Variants in PTPRD observed in about 807,000 individuals in gnomAD.
PTPRD encodes receptor-type tyrosine-protein phosphatase delta.
Under a neutral mutation model 214.5 loss-of-function variants are expected in PTPRD, and 34 were observed. The ratio of observed to expected loss-of-function variants is 0.16; its 90% CI spans 0.12 to 0.21. The LOEUF is 0.21. Ranked by LOEUF, PTPRD falls within the 10% of genes least tolerant of loss-of-function variation. The pLI is 1.00. For synonymous variants in PTPRD, 1,128 were observed against 845.7 expected, an observed-to-expected ratio of 1.33 and a Z score of -5.79; for missense variants, 2,545 against 2,398.7, an observed-to-expected ratio of 1.06 and a Z score of -1.27.
chr9:8,462,730 G>C (rs1310950936), intron 32 of PTPRD, among the ~76,000 whole-genome samples: 2 of 151,680 alleles, frequency 1.3e-5, no homozygotes, highest in African/African-American at 4.8e-5. Context: ...GCAGTGATCG[G>C]TCATTCCCCT....
chr9:10,207,497 T>A (rs1564527074), intron 3 of PTPRD, among the ~76,000 whole-genome samples: 1 of 152,044 alleles, frequency 6.6e-6, no homozygotes, highest in Admixed American at 6.6e-5. Context: ...ATATTTTGTG[T>A]AGAACTGGTA....
intron 11 of PTPRD, among the ~76,000 whole-genome samples, chr9:8,850,317 T>C (rs2570303): frequency 0.017 from 2,569 of 152,174 alleles, 73 homozygotes; most frequent in African/African-American, 0.058. Context: ...CAGGAGACAG[T>C]ACAGATAGCC....
chr9:10,103,564 C>A (rs1289009823), intron 3 of PTPRD, among the ~76,000 whole-genome samples: 1 of 151,186 alleles, frequency 6.6e-6, no homozygotes, highest in African/African-American at 2.4e-5. Flanking sequence ...TATAAGCCCC[C>A]TAAAGCCCTT....
chr9:10,169,273 G>C (rs901969016), intron 3 of PTPRD, among the ~76,000 whole-genome samples: 1 of 151,684 alleles, frequency 6.6e-6, no homozygotes, highest in Non-Finnish European at 1.5e-5. Context: ...AGGAGATCGA[G>C]ACCATCCTGG....
chr9:9,303,313 T>G (rs973835980), intron 9 of PTPRD, among the ~76,000 whole-genome samples: 2 of 151,996 alleles, frequency 1.3e-5, no homozygotes, highest in African/African-American at 4.8e-5. Context: ...ATTGGTTTCA[T>G]AAAAGACATG....
At chr9:9,965,526 A>G (rs2094626170) in intron 4 of PTPRD, among the ~76,000 whole-genome samples, 1 of 152,204 alleles carries the variant, frequency 6.6e-6, no homozygotes, top group East Asian at 1.9e-4. Flanking sequence ...AAAGGACCTC[A>G]TGCCATGCTA....
chr9:10,348,389 AC>A (rs2097126289), intron 2 of PTPRD, among the ~76,000 whole-genome samples: 2 of 152,174 alleles, frequency 1.3e-5, no homozygotes, highest in African/African-American at 4.8e-5. Flanking sequence ...ATTTAGAGGG[AC>A]AAAAACAACC....
chr9:8,590,145 T>G (rs1380705513), intron 14 of PTPRD, among the ~76,000 whole-genome samples: 2 of 152,156 alleles, frequency 1.3e-5, no homozygotes, highest in African/African-American at 4.8e-5. Context: ...TGAGCTGGAA[T>G]TGATTTTATT....
chr9:8,380,572 A>G (rs2084723750), intron 37 of PTPRD, among the ~76,000 whole-genome samples: 1 of 152,184 alleles, frequency 6.6e-6, no homozygotes, highest in South Asian at 2.1e-4. Context: ...ATAATTACGG[A>G]AAGAACAGGG....
intron 4 of PTPRD, among the ~76,000 whole-genome samples, chr9:9,950,758 A>G (rs202084243): frequency 1.2e-4 from 4 of 33,566 alleles, no homozygotes; most frequent in African/African-American, 1.6e-3. Context: ...AAAAAAAAAA[A>G]AAGAAGAAAG....
In PTPRD at chr9:8,500,916, C is replaced by G. The variant is rs751451258; in HGVS notation, c.1966G>C (p.Asp656His). 1 of 1,614,140 alleles carries G rather than the reference C, an allele frequency of 6.2e-7. No homozygotes were observed. The highest frequency in any genetic ancestry group is 8.5e-7 in the Non-Finnish European group (1 of 1,180,018). The change falls in exon 24 of 46, where the codon GAT becomes CAT. Residue 656 changes from aspartate (D) to histidine (H), a missense_variant. Physicochemically the swap from Asp to His is moderately conservative, Grantham distance 81. Transcript: ENST00000381196. ...SIKYTAVDGEDDKPHEILGIP... is the reference protein window; with the variant it reads ...SIKYTAVDGEHDKPHEILGIP... ...CCCAAAATCTCGTGAGGCTTGTCATCTTCCCCATCCACTGCAGTGTACTTG... is the reference window on the plus strand; with the variant it reads ...CCCAAAATCTCGTGAGGCTTGTCATGTTCCCCATCCACTGCAGTGTACTTG...
intron 10 of PTPRD, among the ~76,000 whole-genome samples, chr9:9,021,233 T>C (rs923078214): frequency 6.6e-6 from 1 of 152,164 alleles, no homozygotes; most frequent in Admixed American, 6.5e-5. Flanking sequence ...CAGTCAGCAA[T>C]GGACTGCATA....
In PTPRD at chr9:9,847,583, C is replaced by G. The variant is rs181910972; in HGVS notation, c.-367-80732G>C. On this transcript the variant is annotated intron_variant, in intron 5 of 45. Coordinates refer to ENST00000381196, the MANE Select transcript of PTPRD (RefSeq NM_002839.4). The stretch of plus-strand genomic sequence containing the variant: ...CCCTAGGTTTGTCATATTCTTGCCA[C>G]TTTACAGGAAAACAAAACAAACCTT... 8.5e-5 allele frequency among the ~76,000 whole-genome samples: 13 copies of G among 152,232 alleles called. No homozygotes were observed. In the East Asian group the frequency reaches 2.5e-3, roughly 29 times the overall value.
At chr9:9,953,575 T>A (rs140503043) in intron 4 of PTPRD, among the ~76,000 whole-genome samples, 150 of 151,934 alleles carry the variant, frequency 9.9e-4, no homozygotes, top group African/African-American at 3.5e-3. Context: ...TCTAACACAA[T>A]GATAAGCTAC....
At chr9:8,670,737 G>C (rs7859849) in intron 12 of PTPRD, among the ~76,000 whole-genome samples, 3 of 152,078 alleles carry the variant, frequency 2.0e-5, no homozygotes, top group African/African-American at 7.2e-5. Flanking sequence ...ATAGCAAGAA[G>C]ACAATAGGTC....
chr9:8,638,359 C>T (rs1201368924), intron 12 of PTPRD, among the ~76,000 whole-genome samples: 1 of 151,964 alleles, frequency 6.6e-6, no homozygotes, highest in Non-Finnish European at 1.5e-5. Context: ...TGTGTTCTGA[C>T]TCTGTTTGGT....
At chr9:10,460,172 CAAG>C (rs974509967) in intron 2 of PTPRD, among the ~76,000 whole-genome samples, 9 of 151,626 alleles carry the variant, frequency 5.9e-5, no homozygotes, top group African/African-American at 2.2e-4. Flanking sequence ...TAAACTCAAC[CAAG>C]GAGGTGAAAG....
At chr9:8,404,142 A>G (rs974584163) in intron 36 of PTPRD, among the ~76,000 whole-genome samples, 1 of 152,168 alleles carries the variant, frequency 6.6e-6, no homozygotes, top group African/African-American at 2.4e-5. Flanking sequence ...TTTTTCTTTG[A>G]GATGGAGTCT....
chr9:8,948,025 T>C (rs1347246482), intron 11 of PTPRD, among the ~76,000 whole-genome samples: 11 of 149,180 alleles, frequency 7.4e-5, no homozygotes, highest in African/African-American at 2.5e-4. Flanking sequence ...CTCTCTCTTT[T>C]TTTTTTTTTT....
Sources: gnomAD v4.1 joint callset for allele counts (sites outside exome capture counted in the v4.1 genomes callset) on GRCh38, gnomAD v4.1.1 for gene constraint, MANE v1.5 for transcripts, NCBI Gene and HGNC (gene_info 2026-07-23, HGNC 2026-07-21) for gene names.